Variants in LRRK2 observed in about 807,000 individuals in gnomAD.
The protein encoded by LRRK2 is leucine-rich repeat serine/threonine-protein kinase 2.
In LRRK2, 203 loss-of-function variants were observed where a neutral mutation model predicts 302.6. The ratio of observed to expected loss-of-function variants is 0.67; its 90% CI spans 0.60 to 0.75. The LOEUF (loss-of-function observed/expected upper bound fraction) is 0.75, where lower values mean the gene tolerates loss of function less well. LRRK2 is among the 30% of genes least tolerant of loss of function. LRRK2 has a pLI of 0.00. For missense variants in LRRK2, 2,830 were observed against 2,951.0 expected (o/e 0.96, Z 0.95); for synonymous variants, 1,066 against 1,031.9 (o/e 1.03, Z -0.63).
At chr12:40,358,241 C>T (rs995689060) in intron 46 of LRRK2, among the ~76,000 whole-genome samples, 1 of 152,004 alleles carries the variant, frequency 6.6e-6, no homozygotes, top group African/African-American at 2.4e-5. Context: ...TTATTATAGT[C>T]CCATTTGTCT....
At chr12:40,333,299 C>T (rs1945770398) in intron 39 of LRRK2, among the ~76,000 whole-genome samples, 1 of 152,138 alleles carries the variant, frequency 6.6e-6, no homozygotes. Flanking sequence ...TCTTCTTCAG[C>T]TTGCAGAATT....
At chr12:40,327,293 G>A (rs1285555092) in intron 38 of LRRK2, among the ~76,000 whole-genome samples, 1 of 152,068 alleles carries the variant, frequency 6.6e-6, no homozygotes, top group Non-Finnish European at 1.5e-5. Flanking sequence ...GGAAATTTTG[G>A]CTATTGCGGT....
At chr12:40,297,563 A>G (rs1330646492) in intron 23 of LRRK2, among the ~76,000 whole-genome samples, 1 of 152,186 alleles carries the variant, frequency 6.6e-6, no homozygotes, top group Non-Finnish European at 1.5e-5. Context: ...TAATGATATC[A>G]AACTCTAGAG....
In LRRK2 at chr12:40,235,722, G is replaced by T; in HGVS notation, c.436+8G>T. ...ATCTCCTCCTAACTTCAGGTAATAT[G>T]TGTATATGTTTTTTGTGTTGATTCA... On this transcript the variant is annotated splice_region_variant and intron_variant, in intron 4 of 50. Transcript: ENST00000298910. 1 of 1,515,078 alleles carries T rather than the reference G, an allele frequency of 6.6e-7. No homozygotes were observed. The highest frequency in any genetic ancestry group is 9.2e-7 in the Non-Finnish European group (1 of 1,092,764). 93.9% of individuals were successfully genotyped at this position (1,515,078 alleles called of 1,614,324 possible). A position where few individuals can be genotyped will look rare whatever the true frequency, so the allele number is the denominator to read the frequency against.
intron 47 of LRRK2, among the ~76,000 whole-genome samples, 195 bp downstream of exon 47, chr12:40,359,639 A>C (rs1254803796): frequency 6.6e-6 from 1 of 152,116 alleles, no homozygotes. Flanking sequence ...TTAAGAAGTC[A>C]CTCAACCTAA....
intron 12 of LRRK2, among the ~76,000 whole-genome samples, chr12:40,259,046 G>C (rs145770710): frequency 5.9e-5 from 9 of 152,212 alleles, no homozygotes; most frequent in African/African-American, 1.7e-4. Context: ...TAATCTGGAA[G>C]AGGAAGGTTC....
intron 41 of LRRK2, among the ~76,000 whole-genome samples, chr12:40,341,003 G>A (rs1946023940): frequency 6.6e-6 from 1 of 152,280 alleles, no homozygotes; most frequent in South Asian, 2.1e-4. Context: ...TTGAGTACAG[G>A]GGGCTGGCCG....
intron 20 of LRRK2, among the ~76,000 whole-genome samples, chr12:40,291,307 A>T (rs904668602): frequency 1.3e-5 from 2 of 151,936 alleles, no homozygotes; most frequent in Non-Finnish European, 2.9e-5. Context: ...GAGGGATAGC[A>T]TTAGGAGATA....
rs150620977 is a variant in LRRK2, at chr12:40,314,047, C to T, written c.4612C>T (p.Arg1538Cys). The change falls in exon 32 of 51, where the codon CGT becomes TGT. Residue 1538 changes from arginine (R) to cysteine (C), a missense_variant. Coordinates refer to ENST00000298910, the MANE Select transcript of LRRK2 (RefSeq NM_198578.4). Reference sequence around the variant, plus strand: ...ACTTGAAAAAATCATTTTATCGGAGCGTAAAAATGTGCCAATTGAATTTCC... The same window carrying T: ...ACTTGAAAAAATCATTTTATCGGAGTGTAAAAATGTGCCAATTGAATTTCC... ...VELEKIILSERKNVPIEFPVI... is the reference protein window; with the variant it reads ...VELEKIILSECKNVPIEFPVI... 3.0e-5 allele frequency: 49 copies of T among 1,612,212 alleles called. No individual in the cohort carries two copies. In the African/African-American group the frequency reaches 5.6e-4, roughly 18 times the overall value.
chr12:40,334,414 C>T (rs906467471), intron 39 of LRRK2, among the ~76,000 whole-genome samples: 2 of 152,126 alleles, frequency 1.3e-5, no homozygotes, highest in African/African-American at 4.8e-5. Context: ...CTTTTGACCT[C>T]CCCAAAAAAC....
At chr12:40,298,820 A>ATAT (rs1565727039) in intron 24 of LRRK2, among the ~76,000 whole-genome samples, 1 of 93,876 alleles carries the variant, frequency 1.1e-5, no homozygotes, top group East Asian at 2.7e-4. Context: ...TATAATATAT[A>ATAT]ATACATATAT....
Position 40,277,973 on chromosome 12 carries a change from T to C in LRRK2, c.2027T>C (p.Phe676Ser), listed in dbSNP as rs780574782. The C allele has an allele frequency of 1.2e-6, 2 of 1,613,676 alleles. No homozygotes were observed. Among genetic ancestry groups the C allele is most frequent in the East Asian group, 4.5e-5 (2 of 44,848 alleles). ...CATCATTCATTTGACTTAGTAATAT[T>C]CCATCAAATGTCTTCCAATATCATG... is the stretch of plus-strand genomic sequence containing the variant. ...LVHHSFDLVI[F>S]HQMSSNIMEQ... Residue 676 changes from phenylalanine to serine, a missense_variant, in exon 17 of 51, where the codon TTC becomes TCC. By Grantham distance (155) the Phe-to-Ser change is radical. Coordinates refer to ENST00000298910, the MANE Select transcript of LRRK2 (RefSeq NM_198578.4).
intron 25 of LRRK2, among the ~76,000 whole-genome samples, chr12:40,301,565 T>C (rs1401541679): frequency 2.0e-5 from 3 of 152,200 alleles, no homozygotes; most frequent in Admixed American, 2.0e-4. Flanking sequence ...ATTTTGCGAA[T>C]AGGTGAGGTA....
At chr12:40,268,464 A>AT (rs1271737019) in intron 14 of LRRK2, among the ~76,000 whole-genome samples, 1 of 152,206 alleles carries the variant, frequency 6.6e-6, no homozygotes, top group Non-Finnish European at 1.5e-5. Flanking sequence ...AATTTAAAAA[A>AT]GGTTTACAGG....
chr12:40,354,286 C>A lies in LRRK2; in HGVS notation c.6577-13C>A, dbSNP rs1233497436. The A allele has an allele frequency of 1.2e-6, 2 of 1,610,554 alleles. No individual in the cohort carries two copies. Among genetic ancestry groups the A allele is most frequent in the African/African-American group, 1.3e-5 (1 of 74,966 alleles). ...AATCAAATCCTGCTAAGTATATTTTCTTTTCTTAACAGGAAGTTGCTGATA... is the reference window on the plus strand; with the variant it reads ...AATCAAATCCTGCTAAGTATATTTTATTTTCTTAACAGGAAGTTGCTGATA... On this transcript the variant is annotated splice_polypyrimidine_tract_variant and intron_variant, in intron 44 of 50. Coordinates refer to ENST00000298910, the MANE Select transcript of LRRK2 (RefSeq NM_198578.4).
At chr12:40,231,187 A>T (rs1464562469) in intron 2 of LRRK2, among the ~76,000 whole-genome samples, 1 of 152,104 alleles carries the variant, frequency 6.6e-6, no homozygotes, top group Admixed American at 6.5e-5. Context: ...CTTCATTATA[A>T]GCCACTTCAT....
Position 40,295,448 on chromosome 12 carries a change from A to T in LRRK2, c.2900A>T (p.His967Leu). The T allele has an allele frequency of 1.2e-6, 2 of 1,613,248 alleles. No individual in the cohort carries two copies. The highest frequency in any genetic ancestry group is 1.7e-6 in the Non-Finnish European group (2 of 1,179,930). The change falls in exon 23 of 51, where the codon CAT becomes CTT. Residue 967 changes from histidine to leucine, a missense_variant. Transcript: ENST00000298910. ...DSLRSSKLQS[H>L]MRHSDSISSL... Reference sequence around the variant, plus strand: ...AAAGGGTCATCAAAACTTCAATCCCATATGAGGCATTCAGACAGCATTTCT... The same window carrying T: ...AAAGGGTCATCAAAACTTCAATCCCTTATGAGGCATTCAGACAGCATTTCT...
chr12:40,297,548 C>T (rs775913350), intron 23 of LRRK2, among the ~76,000 whole-genome samples: 3 of 151,796 alleles, frequency 2.0e-5, no homozygotes, highest in Admixed American at 1.3e-4. Context: ...GTTAATAAGC[C>T]TCTATAATGA....
chr12:40,328,170 CA>C (rs1250513225), intron 38 of LRRK2, among the ~76,000 whole-genome samples, 189 bp from the exon 39 acceptor site: 2 of 152,038 alleles, frequency 1.3e-5, no homozygotes, highest in African/African-American at 4.8e-5. Flanking sequence ...AGGTTAAGGA[CA>C]AAATCTTTAC....
Sources: allele counts gnomAD v4.1 joint callset (sites outside exome capture counted in the v4.1 genomes callset), GRCh38; gene constraint gnomAD v4.1.1; transcripts MANE v1.5; gene names NCBI Gene and HGNC (gene_info 2026-07-23, HGNC 2026-07-21).